Variants in SFI1 observed in about 807,000 individuals in gnomAD.
SFI1 encodes the protein protein SFI1 homolog.
In SFI1, 195 loss-of-function variants were observed where a neutral mutation model predicts 207.5. The ratio of observed to expected loss-of-function variants is 0.94; its 90% CI spans 0.84 to 1.06. The LOEUF (loss-of-function observed/expected upper bound fraction) is 1.06. Among genes scored for constraint, SFI1 ranks in the 50% least tolerant of loss-of-function variants. The pLI is 0.00. For synonymous variants in SFI1, 630 were observed against 598.9 expected, an observed-to-expected ratio of 1.05 and a Z score of -0.76; for missense variants, 1,634 against 1,588.0, an observed-to-expected ratio of 1.03 and a Z score of -0.49.
chr22:31,524,216 TAA>T (rs1322413936), intron 2 of SFI1, among the ~76,000 whole-genome samples: 1 of 151,958 alleles, frequency 6.6e-6, no homozygotes, highest in Non-Finnish European at 1.5e-5. Flanking sequence ...AAAATAAAAA[TAA>T]AAAGTGTTCC....
intron 2 of SFI1, among the ~76,000 whole-genome samples, chr22:31,512,239 C>T (rs968280410): frequency 6.6e-6 from 1 of 151,514 alleles, no homozygotes; most frequent in Admixed American, 6.6e-5. Context: ...TCTGTAATCC[C>T]AGCTATTGGG....
chr22:31,611,708 C>A (rs2070172797), intron 23 of SFI1, 58 bp from the exon 24 acceptor site: 5 of 1,533,552 alleles, frequency 3.3e-6, no homozygotes, highest in Non-Finnish European at 3.6e-6. Context: ...TCAGGACCCA[C>A]CCCAGGCTGT....
Position 31,527,996 on chromosome 22 carries a change from C to T in SFI1, c.93-694C>T, listed in dbSNP as rs192219674. Among the ~76,000 whole-genome samples, 93 of 152,084 alleles carry T rather than the reference C, an allele frequency of 6.1e-4. No individual in the cohort carries two copies. In the Middle Eastern group the frequency reaches 0.01, roughly 17 times the overall value. On this transcript the variant is annotated intron_variant, in intron 2 of 32. Coordinates refer to ENST00000400288, the MANE Select transcript of SFI1 (RefSeq NM_001007467.3). Reference sequence around the variant, plus strand: ...GGGCACGGTAGTGGGTGCCTGTAGTCCCAGCTACTAGGGAGGCTGAGGCAG... The same window carrying T: ...GGGCACGGTAGTGGGTGCCTGTAGTTCCAGCTACTAGGGAGGCTGAGGCAG...
chr22:31,533,120 T>C (rs1394788566), intron 4 of SFI1, among the ~76,000 whole-genome samples: 1 of 151,174 alleles, frequency 6.6e-6, no homozygotes. Flanking sequence ...GTTGGTGGTC[T>C]CTATCAGTTT....
At chr22:31,611,950 A>C (rs1454302662) in intron 24 of SFI1, 110 bp downstream of exon 24, 3 of 1,484,854 alleles carry the variant, frequency 2.0e-6, no homozygotes, top group Admixed American at 2.2e-5. Context: ...TATTTTTACT[A>C]TCACCCTCCC....
At chr22:31,530,957 C>A in intron 3 of SFI1, 101 bp from the exon 4 acceptor site, 1 of 916,284 alleles carries the variant, frequency 1.1e-6, no homozygotes. Context: ...ACTAACATCC[C>A]TCTGCTGAGA....
chr22:31,571,901 A>AT (rs555993816), intron 8 of SFI1, among the ~76,000 whole-genome samples: 45 of 148,310 alleles, frequency 3.0e-4, no homozygotes, highest in Middle Eastern at 3.5e-3. Context: ...CATCTTGAAG[A>AT]TTTTTTTTTT....
chr22:31,601,374 C>T (rs954467336), intron 15 of SFI1, among the ~76,000 whole-genome samples: 5 of 152,196 alleles, frequency 3.3e-5, no homozygotes, highest in Admixed American at 1.3e-4. Context: ...CCGCCCACCT[C>T]GGCCTCCCAA....
chr22:31,532,161 A>G (rs1015752717), intron 4 of SFI1, among the ~76,000 whole-genome samples: 2 of 152,230 alleles, frequency 1.3e-5, no homozygotes, highest in Admixed American at 1.3e-4. Flanking sequence ...GCCCAAGAGA[A>G]GTAATTGAGC....
chr22:31,538,522 A>ACC (rs2059203218), intron 4 of SFI1: 1 of 154,416 alleles, frequency 6.5e-6, no homozygotes, highest in African/African-American at 2.4e-5. Context: ...CCTAGGCATC[A>ACC]AAGATCCTCA....
intron 16 of SFI1, 142 bp from the exon 17 acceptor site, chr22:31,602,465 C>A: frequency 1.7e-6 from 2 of 1,153,694 alleles, no homozygotes; most frequent in Non-Finnish European, 2.5e-6. Flanking sequence ...GTGGAGCCTA[C>A]AGACAGCTTC....
At chr22:31,531,307 G>C (rs1431046838) in intron 4 of SFI1, among the ~76,000 whole-genome samples, 178 bp downstream of exon 4, 1 of 152,134 alleles carries the variant, frequency 6.6e-6, no homozygotes, top group Non-Finnish European at 1.5e-5. Context: ...ATATCTGTTA[G>C]TTGACTGCAG....
At chr22:31,617,594 G>A (rs896706240) in intron 31 of SFI1, among the ~76,000 whole-genome samples, 5 of 152,014 alleles carry the variant, frequency 3.3e-5, no homozygotes, top group South Asian at 2.1e-4. Flanking sequence ...GGTGGTGCAC[G>A]CATGTAGTCC....
chr22:31,545,584 A>ATTTAATTTTATTTAATTTT (rs1555984037), intron 4 of SFI1, among the ~76,000 whole-genome samples: 32 of 144,996 alleles, frequency 2.2e-4, no homozygotes, highest in African/African-American at 8.0e-4. Context: ...AATTTAATTT[A>ATTTAATTTTATTTAATTTT]ATTTTATTTT....
At chr22:31,570,334 C>T (rs1456611196) in intron 8 of SFI1, among the ~76,000 whole-genome samples, 1 of 152,170 alleles carries the variant, frequency 6.6e-6, no homozygotes, top group Non-Finnish European at 1.5e-5. Context: ...TCCAAGATGA[C>T]TTCCAAGTTT....
intron 7 of SFI1, chr22:31,559,735 C>G: frequency 1.2e-6 from 1 of 839,178 alleles, no homozygotes; most frequent in South Asian, 1.3e-5. Flanking sequence ...GGTTCTTGAA[C>G]AGACGGAAGG....
At chr22:31,505,381 G>A (rs2054462238) in intron 1 of SFI1, among the ~76,000 whole-genome samples, 1 of 151,952 alleles carries the variant, frequency 6.6e-6, no homozygotes, top group African/African-American at 2.4e-5. Context: ...GGAGGTTGCA[G>A]TGAGCCTAGA....
chr22:31,543,665 C>G (rs1033547431), intron 4 of SFI1, among the ~76,000 whole-genome samples: 1 of 151,862 alleles, frequency 6.6e-6, no homozygotes, highest in Non-Finnish European at 1.5e-5. Context: ...CAAAAATTAG[C>G]TGGGCATGGT....
intron 2 of SFI1, among the ~76,000 whole-genome samples, chr22:31,513,448 G>C (rs139710470): frequency 6.6e-6 from 1 of 152,222 alleles, no homozygotes; most frequent in Non-Finnish European, 1.5e-5. Flanking sequence ...GCTGCACCCA[G>C]CCTTGACATT....
Sources: allele counts gnomAD v4.1 joint callset (sites outside exome capture counted in the v4.1 genomes callset), GRCh38; gene constraint gnomAD v4.1.1; transcripts MANE v1.5; gene names NCBI Gene and HGNC (gene_info 2026-07-23, HGNC 2026-07-21).